Variants in CDH13 observed in about 807,000 individuals in gnomAD.
CDH13 encodes cadherin-13.
In CDH13, 24 loss-of-function variants were observed where a neutral mutation model predicts 63.8. That is an observed-to-expected ratio of 0.38 (90% confidence interval 0.27 to 0.53). CDH13 has a LOEUF of 0.53. Ranked by LOEUF, CDH13 falls within the 20% of genes least tolerant of loss-of-function variation. The pLI is 0.85. For missense variants in CDH13, 1,049 were observed against 903.1 expected, an observed-to-expected ratio of 1.16 and a Z score of -2.07; for synonymous variants, 503 against 355.3, an observed-to-expected ratio of 1.42 and a Z score of -4.67.
intron 6 of CDH13, among the ~76,000 whole-genome samples, chr16:83,433,804 T>G (rs1423464771): frequency 6.6e-6 from 1 of 152,210 alleles, no homozygotes; most frequent in East Asian, 1.9e-4. Context: ...GATAAGAGTG[T>G]TTAAATGCCT....
intron 3 of CDH13, among the ~76,000 whole-genome samples, chr16:83,089,428 C>T (rs1364684694): frequency 1.3e-5 from 2 of 152,242 alleles, no homozygotes; most frequent in African/African-American, 2.4e-5. Context: ...GAAAAACTTG[C>T]TGCCATCAGA....
intron 7 of CDH13, among the ~76,000 whole-genome samples, chr16:83,588,669 T>C (rs1435052965): frequency 2.6e-5 from 4 of 152,230 alleles, no homozygotes; most frequent in Non-Finnish European, 5.9e-5. Context: ...TCTCCGGTAC[T>C]TGATATTTAC....
intron 6 of CDH13, among the ~76,000 whole-genome samples, chr16:83,385,821 C>G (rs1032036247): frequency 6.6e-6 from 1 of 152,172 alleles, no homozygotes; most frequent in African/African-American, 2.4e-5. Flanking sequence ...CCCACTATCT[C>G]CTTTTGGGGC....
chr16:82,811,919 T>A (rs2037463845), intron 1 of CDH13, among the ~76,000 whole-genome samples: 1 of 152,078 alleles, frequency 6.6e-6, no homozygotes, highest in Admixed American at 6.5e-5. Flanking sequence ...GCCTGTTGAG[T>A]TTGAAGTGCC....
intron 1 of CDH13, among the ~76,000 whole-genome samples, chr16:82,690,495 A>T (rs547202812): frequency 6.6e-6 from 1 of 152,228 alleles, no homozygotes; most frequent in Admixed American, 6.5e-5. Context: ...GAGGAAGCAC[A>T]CAAGTTTGTA....
intron 6 of CDH13, among the ~76,000 whole-genome samples, chr16:83,421,925 C>A (rs1056772067): frequency 2.0e-5 from 3 of 152,208 alleles, no homozygotes; most frequent in South Asian, 2.1e-4. Context: ...TTTTGGCAAT[C>A]CTTAGCCATG....
chr16:83,520,152 A>G (rs1487567429), intron 7 of CDH13, among the ~76,000 whole-genome samples: 2 of 152,192 alleles, frequency 1.3e-5, no homozygotes, highest in Admixed American at 6.5e-5. Flanking sequence ...TTGAAACAAT[A>G]CATATGACTT....
chr16:82,762,909 G>A (rs1274359381), intron 1 of CDH13, among the ~76,000 whole-genome samples: 4 of 152,178 alleles, frequency 2.6e-5, no homozygotes, highest in Non-Finnish European at 4.4e-5. Flanking sequence ...GTGGATTAAT[G>A]ATGTTTTTTA....
intron 9 of CDH13, among the ~76,000 whole-genome samples, chr16:83,672,720 C>T (rs947201333): frequency 6.6e-6 from 1 of 152,146 alleles, no homozygotes; most frequent in South Asian, 2.1e-4. Context: ...CCACTGCACC[C>T]TGCCAAATCC....
chr16:82,870,759 T>A (rs1310427766), intron 2 of CDH13, among the ~76,000 whole-genome samples: 3 of 152,212 alleles, frequency 2.0e-5, no homozygotes, highest in Admixed American at 2.0e-4. Flanking sequence ...TCTAAAAATA[T>A]ACAACTATTA....
At chr16:82,912,169 C>T (rs2041851768) in intron 2 of CDH13, among the ~76,000 whole-genome samples, 1 of 152,140 alleles carries the variant, frequency 6.6e-6, no homozygotes, top group African/African-American at 2.4e-5. Context: ...CCCACTCCTC[C>T]TCCCTCTTCT....
chr16:83,542,617 C>A (rs1046027536), intron 7 of CDH13, among the ~76,000 whole-genome samples: 1 of 152,254 alleles, frequency 6.6e-6, no homozygotes, highest in Non-Finnish European at 1.5e-5. Flanking sequence ...CAAAGCCATG[C>A]TCTGGCAGCT....
chr16:83,684,645 A>C (rs1904286389), intron 10 of CDH13, among the ~76,000 whole-genome samples: 1 of 152,216 alleles, frequency 6.6e-6, no homozygotes, highest in Non-Finnish European at 1.5e-5. Context: ...TATAGTAAAC[A>C]ATTCCACAGC....
chr16:83,646,984 C>A (rs1455966773), intron 8 of CDH13, among the ~76,000 whole-genome samples: 1 of 152,056 alleles, frequency 6.6e-6, no homozygotes, highest in Non-Finnish European at 1.5e-5. Context: ...GCACCTGGGA[C>A]TGCAGGCTTT....
intron 8 of CDH13, among the ~76,000 whole-genome samples, chr16:83,659,890 A>C (rs1913282808): frequency 6.7e-6 from 1 of 150,176 alleles, no homozygotes; most frequent in Non-Finnish European, 1.5e-5. Flanking sequence ...GGGTTCAAGC[A>C]ATTCTCCTGT....
intron 1 of CDH13, among the ~76,000 whole-genome samples, chr16:82,708,254 G>A (rs1274677413): frequency 6.6e-6 from 1 of 152,204 alleles, no homozygotes; most frequent in African/African-American, 2.4e-5. Flanking sequence ...CTAGCTGGCT[G>A]GCTTTGTGGC....
chr16:83,014,868 G>GTA (rs1186762735), intron 2 of CDH13, among the ~76,000 whole-genome samples: 29 of 79,170 alleles, frequency 3.7e-4, no homozygotes, highest in African/African-American at 4.6e-4. Context: ...ATATATATAT[G>GTA]TATATATATA....
chr16:83,057,506 G>C (rs1597240663), intron 3 of CDH13, among the ~76,000 whole-genome samples: 1 of 151,800 alleles, frequency 6.6e-6, no homozygotes, highest in Non-Finnish European at 1.5e-5. Context: ...AAAGTTAAAA[G>C]TAAGTTTTTT....
Position 82,676,998 on chromosome 16 carries a change from C to T in CDH13, c.45+49861C>T, listed in dbSNP as rs548486224. ...TCCCAGGTTCAAGCGATTCTCCTGC[C>T]TCAGCCTCTCAAGTAGCTGGGACTA... On this transcript the variant is annotated intron_variant, in intron 1 of 13. Coordinates refer to ENST00000567109, the MANE Select transcript of CDH13 (RefSeq NM_001257.5). 1.1e-3 allele frequency among the ~76,000 whole-genome samples: 167 copies of T among 152,324 alleles called. 1 individual carries two copies. Among genetic ancestry groups the T allele is most frequent in the Middle Eastern group, 6.8e-3 (2 of 294 alleles).
Sources: gnomAD v4.1 joint callset for allele counts (sites outside exome capture counted in the v4.1 genomes callset) on GRCh38, gnomAD v4.1.1 for gene constraint, MANE v1.5 for transcripts, NCBI Gene and HGNC (gene_info 2026-07-23, HGNC 2026-07-21) for gene names.